Variants in SNAP25 observed in about 807,000 individuals in gnomAD.
SNAP25 encodes the protein synaptosomal-associated protein 25.
SNAP25 carries 3 observed loss-of-function variants against 28.7 expected under a neutral mutation model. That is an observed-to-expected ratio of 0.10 (90% CI 0.05 to 0.27). The LOEUF is 0.27. SNAP25 is among the 10% of genes least tolerant of loss of function. SNAP25 has a pLI of 1.00. For missense variants in SNAP25, 117 were observed against 278.7 expected (o/e 0.42, Z 4.13); for synonymous variants, 61 against 88.1 (o/e 0.69, Z 1.72).
chr20:10,245,902 C>T (rs1031461856), intron 1 of SNAP25, among the ~76,000 whole-genome samples: 1 of 152,190 alleles, frequency 6.6e-6, no homozygotes, highest in Non-Finnish European at 1.5e-5. Context: ...ATCTTTCTAC[C>T]TCCAAAATTG....
At chr20:10,221,254 G>A (rs1045035315) in intron 1 of SNAP25, among the ~76,000 whole-genome samples, 8 of 152,208 alleles carry the variant, frequency 5.3e-5, no homozygotes, top group Non-Finnish European at 1.0e-4. Flanking sequence ...GACTGGGGAG[G>A]AGCGGGGGAA....
At chr20:10,234,837 T>C (rs576561184) in intron 1 of SNAP25, among the ~76,000 whole-genome samples, 85 of 152,336 alleles carry the variant, frequency 5.6e-4, no homozygotes, top group Non-Finnish European at 1.1e-3. Context: ...GGTGAAGATA[T>C]ACTGAAGCCA....
intron 1 of SNAP25, among the ~76,000 whole-genome samples, chr20:10,267,783 C>A (rs1334007642): frequency 6.6e-6 from 1 of 152,206 alleles, no homozygotes; most frequent in Non-Finnish European, 1.5e-5. Context: ...AGCTCTTGAC[C>A]TTGTGATCTG....
At chr20:10,222,894 G>A (rs773572923) in intron 1 of SNAP25, among the ~76,000 whole-genome samples, 2 of 152,180 alleles carry the variant, frequency 1.3e-5, no homozygotes, top group Non-Finnish European at 2.9e-5. Context: ...AATTATGCAA[G>A]TTGAGCACTT....
intron 1 of SNAP25, among the ~76,000 whole-genome samples, chr20:10,264,102 T>A (rs1395793531): frequency 6.6e-6 from 1 of 152,130 alleles, no homozygotes; most frequent in African/African-American, 2.4e-5. Flanking sequence ...TGTGGCTGGA[T>A]GCCCTGTTAC....
At chr20:10,242,024 C>A (rs986621562) in intron 1 of SNAP25, among the ~76,000 whole-genome samples, 2 of 152,098 alleles carry the variant, frequency 1.3e-5, no homozygotes, top group African/African-American at 4.8e-5. Context: ...ACTAGGGGAT[C>A]CCTACTGGAC....
chr20:10,295,683 T>G (rs943333094), intron 5 of SNAP25, among the ~76,000 whole-genome samples: 3 of 103,300 alleles, frequency 2.9e-5, no homozygotes, highest in African/African-American at 1.1e-4. Context: ...AATTCTGGTG[T>G]CTTACAAAAA....
chr20:10,303,584 T>C (rs369733331), intron 7 of SNAP25, among the ~76,000 whole-genome samples: 2 of 152,204 alleles, frequency 1.3e-5, no homozygotes, highest in Non-Finnish European at 2.9e-5. Flanking sequence ...CATTGAGTGA[T>C]ACTGGTTGAG....
intron 3 of SNAP25, among the ~76,000 whole-genome samples, chr20:10,279,141 A>T (rs2063740808): frequency 6.6e-6 from 1 of 152,186 alleles, no homozygotes; most frequent in Admixed American, 6.5e-5. Flanking sequence ...ATACTTGAGG[A>T]TGAAGAAGGA....
At chr20:10,265,806 C>T (rs894343218) in intron 1 of SNAP25, among the ~76,000 whole-genome samples, 2 of 152,172 alleles carry the variant, frequency 1.3e-5, no homozygotes, top group African/African-American at 4.8e-5. Context: ...ACCTACCAGC[C>T]TAATATGGAG....
At chr20:10,238,594 G>T (rs1311776587) in intron 1 of SNAP25, among the ~76,000 whole-genome samples, 2 of 152,080 alleles carry the variant, frequency 1.3e-5, no homozygotes, top group African/African-American at 4.8e-5. Flanking sequence ...AACTTCATGA[G>T]GATCATACTA....
At chr20:10,277,188 T>C (rs2063705855) in intron 2 of SNAP25, among the ~76,000 whole-genome samples, 1 of 152,206 alleles carries the variant, frequency 6.6e-6, no homozygotes, top group African/African-American at 2.4e-5. Context: ...CATGCTTGAT[T>C]TTTTTCACCC....
chr20:10,297,763 A>G (rs1213714775), intron 6 of SNAP25, among the ~76,000 whole-genome samples: 2 of 152,220 alleles, frequency 1.3e-5, no homozygotes, highest in African/African-American at 4.8e-5. Context: ...ATTGGCCATT[A>G]GCCAAAGCCT....
intron 6 of SNAP25, among the ~76,000 whole-genome samples, chr20:10,297,424 A>T (rs993531711): frequency 3.3e-5 from 5 of 152,250 alleles, no homozygotes; most frequent in Non-Finnish European, 7.3e-5. Context: ...AGCAAGTCAC[A>T]TGACCACATC....
chr20:10,244,308 G>A (rs957024373), intron 1 of SNAP25, among the ~76,000 whole-genome samples: 2 of 152,072 alleles, frequency 1.3e-5, no homozygotes, highest in Non-Finnish European at 2.9e-5. Flanking sequence ...CTTACATTTG[G>A]GAAAGAGAGA....
At chr20:10,302,599 C>A (rs2064266483) in intron 7 of SNAP25, among the ~76,000 whole-genome samples, 1 of 152,072 alleles carries the variant, frequency 6.6e-6, no homozygotes, top group South Asian at 2.1e-4. Flanking sequence ...GTCATCCTGG[C>A]CTTCTCACAA....
At chr20:10,290,422 C>A (rs911166404) in intron 4 of SNAP25, among the ~76,000 whole-genome samples, 5 of 152,118 alleles carry the variant, frequency 3.3e-5, no homozygotes, top group Non-Finnish European at 7.4e-5. Context: ...AGAGTTTTCT[C>A]TTTTAGTCAA....
At chr20:10,234,436 G>A (rs1448187309) in intron 1 of SNAP25, among the ~76,000 whole-genome samples, 1 of 152,144 alleles carries the variant, frequency 6.6e-6, no homozygotes, top group Non-Finnish European at 1.5e-5. Context: ...ATTTTATTTG[G>A]CTAGTACTGG....
chr20:10,291,110 G>C (rs1454654595), intron 4 of SNAP25, among the ~76,000 whole-genome samples: 1 of 152,070 alleles, frequency 6.6e-6, no homozygotes, highest in Non-Finnish European at 1.5e-5. Flanking sequence ...TTTCGCTCTT[G>C]TTGCCCAAGC....
Sources: gnomAD v4.1 joint callset for allele counts (sites outside exome capture counted in the v4.1 genomes callset) on GRCh38, gnomAD v4.1.1 for gene constraint, MANE v1.5 for transcripts, NCBI Gene and HGNC (gene_info 2026-07-23, HGNC 2026-07-21) for gene names.